KIF6: variants seen among roughly 807,000 people sequenced by gnomAD.
The protein encoded by KIF6 is kinesin family member 6, also known as kinesin-like protein KIF6.
A neutral mutation model predicts 112.7 loss-of-function variants in KIF6; 106 were observed. The ratio of observed to expected loss-of-function variants is 0.94; its 90% CI spans 0.80 to 1.11. The LOEUF (loss-of-function observed/expected upper bound fraction) is 1.11. Ranked by LOEUF, KIF6 falls within the 50% of genes least tolerant of loss-of-function variation. The pLI, the probability that KIF6 is intolerant of heterozygous loss-of-function variation, is 0.00. For synonymous variants in KIF6, 339 were observed against 339.9 expected (o/e 1.00, Z 0.03); for missense variants, 929 against 964.0 (o/e 0.96, Z 0.48).
rs558385050 is a variant in KIF6 at position 39,616,948 on chromosome 6, C to T, written c.510-3630G>A. Among the ~76,000 whole-genome samples, 3 of 152,296 alleles carry T rather than the reference C, an allele frequency of 2.0e-5. No homozygotes were observed. In the South Asian group the frequency reaches 6.2e-4, roughly 32 times the overall value. On this transcript the variant is annotated intron_variant, in intron 5 of 22. Transcript: ENST00000287152. The stretch of plus-strand genomic sequence containing the variant: ...CCCTCTGTCCCTCACAAATCAATAG[C>T]TATTTCCTGAATCCTTAATCTACCA...
chr6:39,586,484 T>C (rs1781648326), intron 7 of KIF6, 80 bp from the exon 8 acceptor site: 3 of 1,160,910 alleles, frequency 2.6e-6, no homozygotes, highest in South Asian at 2.7e-5. Flanking sequence ...TCAATAGCAA[T>C]AAAAATGCAA....
At chr6:39,517,331 A>G (rs529357725) in intron 13 of KIF6, among the ~76,000 whole-genome samples, 1 of 152,342 alleles carries the variant, frequency 6.6e-6, no homozygotes, top group East Asian at 1.9e-4. Context: ...CAGAAAGAAG[A>G]AAGTGTTAAG....
In KIF6 at chr6:39,431,160, T is replaced by G; in HGVS notation, c.1647A>C (p.Gly549=). ...KRSSLLHKKI[G]MREEMSLGCQ... Reference sequence around the variant, plus strand: ...ATCCTAATGACATTTCCTCTCTCATTCCTGTTTGGAGACACAGGGAAATGG... The same window carrying G: ...ATCCTAATGACATTTCCTCTCTCATGCCTGTTTGGAGACACAGGGAAATGG... Residue 549 remains glycine, a splice_region_variant and synonymous_variant, in exon 14 of 23, where the codon GGA becomes GGC. Coordinates refer to ENST00000287152, the MANE Select transcript of KIF6 (RefSeq NM_145027.6). The G allele has an allele frequency of 2.5e-6, 4 of 1,580,098 alleles. No individual in the cohort carries two copies. Among genetic ancestry groups the G allele is most frequent in the Non-Finnish European group, 3.5e-6 (4 of 1,149,228 alleles).
At chr6:39,418,894 A>G (rs899715680) in intron 15 of KIF6, among the ~76,000 whole-genome samples, 1 of 152,176 alleles carries the variant, frequency 6.6e-6, no homozygotes, top group African/African-American at 2.4e-5. Context: ...AAAAGGGGGT[A>G]GTAAGAGAGA....
Position 39,346,465 on chromosome 6 carries a change from G to A in KIF6, c.2231+11C>T, listed in dbSNP as rs1296082382. ...AGACAGCTGTCTATGAACCGGGAAG[G>A]GGGTCCTCACCAGACATCGAATCTG... On this transcript the variant is annotated intron_variant, in intron 20 of 22. Transcript: ENST00000287152. 1 of 716,738 alleles carries A rather than the reference G, an allele frequency of 1.4e-6. No individual in the cohort carries two copies. Among genetic ancestry groups the A allele is most frequent in the African/African-American group, 1.7e-5 (1 of 57,278 alleles). The allele number at this position is 716,738 out of a possible 1,614,324, so 44.4% of individuals were successfully genotyped here. A position where few individuals can be genotyped will look rare whatever the true frequency, so the allele number is the denominator to read the frequency against.
chr6:39,520,407 T>C (rs944588488), intron 13 of KIF6, among the ~76,000 whole-genome samples: 1 of 152,224 alleles, frequency 6.6e-6, no homozygotes, highest in African/African-American at 2.4e-5. Context: ...TGTCTATCAG[T>C]GTCAGAACAG....
chr6:39,593,748 C>T (rs1442426175), intron 7 of KIF6, among the ~76,000 whole-genome samples: 4 of 152,184 alleles, frequency 2.6e-5, no homozygotes, highest in Non-Finnish European at 5.9e-5. Flanking sequence ...ACATGCTCTG[C>T]CCCATCCTTG....
intron 10 of KIF6, among the ~76,000 whole-genome samples, chr6:39,551,903 C>T (rs1396277094): frequency 2.0e-5 from 3 of 152,114 alleles, no homozygotes; most frequent in Non-Finnish European, 4.4e-5. Context: ...ATGCAAGGAA[C>T]GAAGAGAGAA....
In KIF6 at chr6:39,331,088, T is replaced by G. The variant is rs1372178059; in HGVS notation, c.*5444A>C. 6.6e-6 allele frequency: 1 copy of G among 152,606 alleles called. No homozygotes were observed. Among genetic ancestry groups the G allele is most frequent in the Non-Finnish European group, 1.5e-5 (1 of 68,252 alleles). The allele number at this position is 152,606 out of a possible 1,614,324, so 9.5% of individuals were successfully genotyped here. On this transcript the variant is annotated 3_prime_UTR_variant, in exon 23 of 23. Transcript: ENST00000287152. ...ATTGTCCTAAGCTTCCCTTCCCTGCTTCTCTCTTTGCACCTTGCCGGGTTC... is the reference window on the plus strand; with the variant it reads ...ATTGTCCTAAGCTTCCCTTCCCTGCGTCTCTCTTTGCACCTTGCCGGGTTC...
chr6:39,443,096 A>T (rs1772032993), intron 13 of KIF6, among the ~76,000 whole-genome samples: 1 of 149,096 alleles, frequency 6.7e-6, no homozygotes, highest in African/African-American at 2.5e-5. Flanking sequence ...CCTGGGCGAC[A>T]GAGTGAGACT....
chr6:39,601,924 A>G (rs1782597659), intron 6 of KIF6, among the ~76,000 whole-genome samples: 1 of 151,884 alleles, frequency 6.6e-6, no homozygotes, highest in South Asian at 2.1e-4. Flanking sequence ...CCAGAAGACC[A>G]CCTCTGCTCT....
At chr6:39,525,091 T>C (rs1676496653) in intron 13 of KIF6, among the ~76,000 whole-genome samples, 1 of 152,212 alleles carries the variant, frequency 6.6e-6, no homozygotes, top group African/African-American at 2.4e-5. Context: ...TTGTCTTCTA[T>C]GATTGTTTGG....
intron 10 of KIF6, among the ~76,000 whole-genome samples, chr6:39,552,063 A>G (rs1329962379): frequency 6.6e-6 from 1 of 152,232 alleles, no homozygotes; most frequent in African/African-American, 2.4e-5. Flanking sequence ...TGATCTGCAT[A>G]CACACTAATG....
chr6:39,592,696 T>C (rs1298008561), intron 7 of KIF6, among the ~76,000 whole-genome samples: 2 of 152,210 alleles, frequency 1.3e-5, no homozygotes, highest in African/African-American at 2.4e-5. Flanking sequence ...TACCCTGTTA[T>C]TGTGGCTTAA....
rs760136117 is a variant in KIF6, at chr6:39,385,637, G to T, written c.1846C>A (p.Gln616Lys). ...TTGTACCTACCTAGGGCTACTTGCT[G>T]TATATGCCGCTGGGTGATTTCTTCC... ...LKEEITQRHI[Q>K]QVALGISENM... The change falls in exon 16 of 23, where the codon CAG becomes AAG. Residue 616 changes from glutamine (Q) to lysine (K), a missense_variant. Physicochemically the swap from Gln to Lys is moderately conservative, Grantham distance 53. Transcript: ENST00000287152. 8 of 1,613,204 alleles carry T rather than the reference G, an allele frequency of 5.0e-6. No homozygotes were observed. Among genetic ancestry groups the T allele is most frequent in the South Asian group, 1.1e-5 (1 of 91,062 alleles).
chr6:39,715,341 T>C (rs1789773060), intron 2 of KIF6, among the ~76,000 whole-genome samples: 1 of 152,108 alleles, frequency 6.6e-6, no homozygotes, highest in Non-Finnish European at 1.5e-5. Context: ...TAAATTATGA[T>C]AGACCTGTCC....
In KIF6 at chr6:39,401,113, G is replaced by T. The variant is rs188739734; in HGVS notation, c.1811-15441C>A. 2.7e-3 allele frequency among the ~76,000 whole-genome samples: 417 copies of T among 152,350 alleles called. 1 individual carries two copies. The highest frequency in any genetic ancestry group is 9.2e-3 in the African/African-American group (383 of 41,578). ...TTGCACGTACATGAAGAAGAGATAA[G>T]TATCTGAATGGCAAATAGGTGCCCC... On this transcript the variant is annotated intron_variant, in intron 15 of 22. Coordinates refer to ENST00000287152, the MANE Select transcript of KIF6 (RefSeq NM_145027.6).
chr6:39,383,608 G>C (rs1767159286), intron 16 of KIF6, among the ~76,000 whole-genome samples: 1 of 152,098 alleles, frequency 6.6e-6, no homozygotes, highest in Non-Finnish European at 1.5e-5. Flanking sequence ...CTCCAGCTTT[G>C]TTCTATTTGC....
At position 39,675,425 on chromosome 6, in the gene KIF6, A is replaced by G. The variant is rs1310239948; in HGVS notation, c.252-35668T>C. Among the ~76,000 whole-genome samples, 6 of 152,192 alleles carry G rather than the reference A, an allele frequency of 3.9e-5. No homozygotes were observed. The East Asian group carries it at 1.2e-3, about 29-fold the overall frequency. On this transcript the variant is annotated intron_variant, in intron 3 of 22. Transcript: ENST00000287152. ...AATTTGTACTACCCAAATGTCATGC[A>G]AATCTCAATCACAGAAAGTAATATA...
Sources: allele counts gnomAD v4.1 joint callset (sites outside exome capture counted in the v4.1 genomes callset), GRCh38; gene constraint gnomAD v4.1.1; transcripts MANE v1.5; gene names NCBI Gene and HGNC (gene_info 2026-07-23, HGNC 2026-07-21).